The following WWTR1 variants were observed in gnomAD, a reference collection of about 807,000 sequenced individuals.
WWTR1 encodes the protein WW domain-containing transcription regulator protein 1.
WWTR1 carries 13 observed loss-of-function variants against 40.1 expected under a neutral mutation model. That is an observed-to-expected ratio of 0.32 (90% CI 0.21 to 0.52). WWTR1 has a LOEUF of 0.52. Ranked by LOEUF, WWTR1 falls within the 20% of genes least tolerant of loss-of-function variation. The pLI is 0.97. For synonymous variants in WWTR1, 230 were observed against 210.1 expected, an observed-to-expected ratio of 1.09 and a Z score of -0.82; for missense variants, 436 against 523.1, an observed-to-expected ratio of 0.83 and a Z score of 1.63.
intron 2 of WWTR1, among the ~76,000 whole-genome samples, chr3:149,643,036 A>C (rs1237114931): frequency 6.6e-6 from 1 of 152,210 alleles, no homozygotes; most frequent in Admixed American, 6.5e-5. Flanking sequence ...AATTAGCAAA[A>C]TACAGAATAG....
chr3:149,712,160 T>G (rs1715491235), intron 5 of WWTR1, among the ~76,000 whole-genome samples: 1 of 152,188 alleles, frequency 6.6e-6, no homozygotes, highest in Non-Finnish European at 1.5e-5. Context: ...ATTGGTAATG[T>G]GTATCTGTAG....
At chr3:149,604,072 G>A (rs951145505) in intron 2 of WWTR1, among the ~76,000 whole-genome samples, 6 of 152,096 alleles carry the variant, frequency 3.9e-5, no homozygotes, top group African/African-American at 1.4e-4. Context: ...ATAAGTAGTA[G>A]TACATGAAAA....
intron 3 of WWTR1, among the ~76,000 whole-genome samples, chr3:149,547,840 T>TA (rs1736435785): frequency 6.6e-6 from 1 of 151,038 alleles, no homozygotes; most frequent in Non-Finnish European, 1.5e-5. Context: ...TTTTTTTTTT[T>TA]AATAATTGGC....
chr3:149,542,591 A>G (rs1020343515), intron 3 of WWTR1, 54 bp from the exon 4 acceptor site: 3 of 1,506,906 alleles, frequency 2.0e-6, no homozygotes, highest in East Asian at 4.6e-5. Flanking sequence ...ATACCTTATC[A>G]AAAATAGACC....
intron 3 of WWTR1, among the ~76,000 whole-genome samples, chr3:149,545,553 A>C (rs944870369): frequency 1.3e-5 from 2 of 152,040 alleles, no homozygotes; most frequent in African/African-American, 4.8e-5. Flanking sequence ...ACAGAGTGTC[A>C]CTCTATCACC....
At chr3:149,575,529 T>C (rs16862007) in intron 2 of WWTR1, among the ~76,000 whole-genome samples, 17,033 of 152,240 alleles carry the variant, frequency 0.11, 1,222 homozygotes, top group South Asian at 0.28. Context: ...TGGATATTGA[T>C]GCTGTGCTAG....
rs183626370 is a variant in WWTR1 at position 149,596,448 on chromosome 3, C to T, written c.432-23448G>A. On this transcript the variant is annotated intron_variant, in intron 2 of 6. Transcript: ENST00000360632. The stretch of plus-strand genomic sequence containing the variant: ...CTTTCCCAGAGAAATCCCTCTGTAA[C>T]CTGTTCCTCTGTCAGTGCACTGATT... 1.5e-3 allele frequency among the ~76,000 whole-genome samples: 232 copies of T among 152,310 alleles called. 2 individuals carry two copies. Among genetic ancestry groups the T allele is most frequent in the Non-Finnish European group, 1.4e-3 (96 of 68,024 alleles).
intron 3 of WWTR1, among the ~76,000 whole-genome samples, chr3:149,559,324 GAAAAAAGA>G (rs1736989161): frequency 2.1e-5 from 3 of 140,182 alleles, no homozygotes; most frequent in South Asian, 2.3e-4. Context: ...GAAAAGAAAA[GAAAAAAGA>G]AAAAAAGAAA....
In WWTR1 at chr3:149,520,868, G is replaced by C; in HGVS notation, c.1140C>G (p.Ile380Met). 1 of 1,613,528 alleles carries C rather than the reference G, an allele frequency of 6.2e-7. No individual in the cohort carries two copies. The highest frequency in any genetic ancestry group is 8.5e-7 in the Non-Finnish European group (1 of 1,179,796). The change falls in exon 7 of 7, where the codon ATC becomes ATG. Residue 380 changes from isoleucine to methionine, a missense_variant. Physicochemically the swap from Ile to Met is conservative, Grantham distance 10. Transcript: ENST00000360632. ...CAGACTCTACATCATTGAAGAGGGGGATCAGGTCTTCAGATTCCAAAGTTC... is the reference window on the plus strand; with the variant it reads ...CAGACTCTACATCATTGAAGAGGGGCATCAGGTCTTCAGATTCCAAAGTTC... ...DLGTLESEDL[I>M]PLFNDVESAL...
intron 6 of WWTR1, 68 bp downstream of exon 6, chr3:149,525,945 T>G: frequency 4.4e-5 from 38 of 869,020 alleles, no homozygotes; most frequent in Non-Finnish European, 5.9e-5. Context: ...AAAATAAAAT[T>G]GAGATAACCG....
chr3:149,701,207 C>A (rs1309855972), intron 1 of WWTR1, among the ~76,000 whole-genome samples: 1 of 151,746 alleles, frequency 6.6e-6, no homozygotes, highest in Admixed American at 6.6e-5. Flanking sequence ...ATTTGGGAAA[C>A]GATGATTCTT....
intron 2 of WWTR1, among the ~76,000 whole-genome samples, chr3:149,577,290 A>C (rs1737927878): frequency 6.6e-6 from 1 of 152,222 alleles, no homozygotes; most frequent in Non-Finnish European, 1.5e-5. Context: ...ATAAAGAAAA[A>C]GAATAGCAGT....
chr3:149,703,796 T>G (rs1200458693), upstream of WWTR1, among the ~76,000 whole-genome samples: 2 of 152,214 alleles, frequency 1.3e-5, no homozygotes, highest in African/African-American at 2.4e-5. Flanking sequence ...TTTTGCTCCC[T>G]CTTTGCCATG....
At chr3:149,565,203 A>T (rs540992805) in intron 3 of WWTR1, among the ~76,000 whole-genome samples, 1 of 152,144 alleles carries the variant, frequency 6.6e-6, no homozygotes, top group East Asian at 1.9e-4. Context: ...TAAATAAATA[A>T]ATAAATTTAT....
chr3:149,573,350 G>C (rs1737733317), intron 2 of WWTR1, among the ~76,000 whole-genome samples: 1 of 152,076 alleles, frequency 6.6e-6, no homozygotes, highest in South Asian at 2.1e-4. Context: ...GAGTGCCATA[G>C]TGTGAGCTCC....
In WWTR1 at chr3:149,628,348, A is replaced by G. The variant is rs140705217; in HGVS notation, c.431+28528T>C. On this transcript the variant is annotated intron_variant, in intron 2 of 6. Transcript: ENST00000360632. Reference sequence around the variant, plus strand: ...CACGCCACTGCACTCCAGCCTGGGCAACAGAGCGAGACTCCGTCTCAAAAC... The same window carrying G: ...CACGCCACTGCACTCCAGCCTGGGCGACAGAGCGAGACTCCGTCTCAAAAC... Among the ~76,000 whole-genome samples the G allele has an allele frequency of 6.6e-3, 1,002 of 152,364 alleles. 2 individuals carry two copies. The highest frequency in any genetic ancestry group is 0.011 in the Non-Finnish European group (751 of 68,036).
chr3:149,696,675 C>T (rs1312153496), intron 1 of WWTR1, among the ~76,000 whole-genome samples: 5 of 152,170 alleles, frequency 3.3e-5, no homozygotes, highest in Non-Finnish European at 7.3e-5. Flanking sequence ...TTCCCAAATA[C>T]CTCAGCATTG....
At chr3:149,680,871 T>G (rs1714440738) in intron 1 of WWTR1, among the ~76,000 whole-genome samples, 1 of 152,186 alleles carries the variant, frequency 6.6e-6, no homozygotes, top group Non-Finnish European at 1.5e-5. Flanking sequence ...TATTTTTCTT[T>G]TTAACATATG....
intron 2 of WWTR1, among the ~76,000 whole-genome samples, chr3:149,587,445 T>C (rs1203955751): frequency 1.3e-5 from 2 of 151,796 alleles, no homozygotes; most frequent in Non-Finnish European, 2.9e-5. Context: ...ACCCAAAAGG[T>C]GGGAAGCGCC....
Sources: allele counts gnomAD v4.1 joint callset (sites outside exome capture counted in the v4.1 genomes callset), GRCh38; gene constraint gnomAD v4.1.1; transcripts MANE v1.5; gene names NCBI Gene and HGNC (gene_info 2026-07-23, HGNC 2026-07-21).